SPDL1: variants seen among roughly 807,000 people sequenced by gnomAD.
The protein encoded by SPDL1 is protein Spindly.
SPDL1 carries 85 observed loss-of-function variants against 79.5 expected under a neutral mutation model. The observed-to-expected ratio is 1.07, with a 90% CI of 0.90 to 1.28. The LOEUF (loss-of-function observed/expected upper bound fraction) is 1.28, where lower values mean the gene tolerates loss of function less well. SPDL1 is among the 50% of genes most tolerant of loss of function. The pLI is 0.00. For missense variants in SPDL1, 703 were observed against 697.8 expected, an observed-to-expected ratio of 1.01 and a Z score of -0.08; for synonymous variants, 269 against 240.3, an observed-to-expected ratio of 1.12 and a Z score of -1.10.
chr5:169,593,971 G>A (rs1391445615), intron 4 of SPDL1, among the ~76,000 whole-genome samples, 174 bp from the exon 5 acceptor site: 1 of 152,140 alleles, frequency 6.6e-6, no homozygotes. Context: ...TTGTTTCCTT[G>A]TTGAAAAATT....
At chr5:169,596,524 C>T (rs1409973045) in intron 7 of SPDL1, 37 bp from the exon 8 acceptor site, 3 of 1,565,790 alleles carry the variant, frequency 1.9e-6, no homozygotes, top group East Asian at 2.3e-5. Flanking sequence ...CTTTCTCTCA[C>T]TTAATTTTAT....
intron 11 of SPDL1, among the ~76,000 whole-genome samples, chr5:169,602,586 G>A (rs1755991307): frequency 7.9e-6 from 1 of 127,016 alleles, no homozygotes; most frequent in Middle Eastern, 3.8e-3. Context: ...GAGTAAGACA[G>A]CCCTGTTTAA....
chr5:169,596,435 A>G (rs537283626), intron 7 of SPDL1, 126 bp from the exon 8 acceptor site: 130 of 729,892 alleles, frequency 1.8e-4, no homozygotes, highest in Non-Finnish European at 2.5e-4. Flanking sequence ...GATTAGAAAT[A>G]GCTAATTTAG....
chr5:169,588,617 T>C, intron 2 of SPDL1, 42 bp downstream of exon 2: 1 of 1,538,028 alleles, frequency 6.5e-7, no homozygotes, highest in Non-Finnish European at 8.8e-7. Flanking sequence ...TGTGCTTAGC[T>C]ATTGAAGATT....
At chr5:169,588,718 AG>A in intron 2 of SPDL1, 143 bp downstream of exon 2, 15 of 620,104 alleles carry the variant, frequency 2.4e-5, no homozygotes, top group East Asian at 3.2e-5. Context: ...CTGTTAAAAA[AG>A]AATGAACTAA....
At position 169,593,323 on chromosome 5, in the gene SPDL1, C is replaced by T; in HGVS notation, c.337-31C>T. 7 of 1,529,586 alleles carry T rather than the reference C, an allele frequency of 4.6e-6. No homozygotes were observed. In the South Asian group the frequency reaches 5.0e-5, roughly 11 times the overall value. 94.8% of individuals were successfully genotyped at this position (1,529,586 alleles called of 1,614,324 possible). ...TTGTTTTTAGAAAGAAAATAACTTTCAATTTATGACTTTTTTTTTTTTGGC... is the reference window on the plus strand; with the variant it reads ...TTGTTTTTAGAAAGAAAATAACTTTTAATTTATGACTTTTTTTTTTTTGGC... On this transcript the variant is annotated intron_variant, in intron 3 of 11. Transcript: ENST00000265295.
At chr5:169,589,748 C>G (rs919273653) in intron 2 of SPDL1, among the ~76,000 whole-genome samples, 3 of 151,454 alleles carry the variant, frequency 2.0e-5, no homozygotes, top group African/African-American at 7.3e-5. Flanking sequence ...GTCGCCCAGG[C>G]TGGAGTGCAG....
chr5:169,585,649 GC>G (rs1754951803), intron 1 of SPDL1, among the ~76,000 whole-genome samples: 1 of 152,194 alleles, frequency 6.6e-6, no homozygotes, highest in Non-Finnish European at 1.5e-5. Context: ...TAGTTGGCTG[GC>G]CGTATCATGT....
At chr5:169,589,218 T>G (rs1170029693) in intron 2 of SPDL1, among the ~76,000 whole-genome samples, 2 of 152,202 alleles carry the variant, frequency 1.3e-5, no homozygotes, top group Non-Finnish European at 2.9e-5. Context: ...GCATGTATCT[T>G]TGCTACTGGC....
rs762996461 is a variant in SPDL1 at position 169,594,495 on chromosome 5, A to T, written c.780+3A>T. 6.2e-7 allele frequency: 1 copy of T among 1,613,376 alleles called. No individual in the cohort carries two copies. The highest frequency in any genetic ancestry group is 8.5e-7 in the Non-Finnish European group (1 of 1,179,296). The stretch of plus-strand genomic sequence containing the variant: ...AAGGCAACTCTTTGTTTGCAGAGGT[A>T]CTTATAAGTATCCTAACTACTAAAT... On this transcript the variant is annotated splice_donor_region_variant and intron_variant, in intron 6 of 11. Coordinates refer to ENST00000265295, the MANE Select transcript of SPDL1 (RefSeq NM_017785.5).
chr5:169,602,445 A>C (rs1755983437), intron 11 of SPDL1, among the ~76,000 whole-genome samples: 1 of 152,230 alleles, frequency 6.6e-6, no homozygotes, highest in African/African-American at 2.4e-5. Context: ...ACATTCAAAA[A>C]GATGTGCCAA....
intron 8 of SPDL1, among the ~76,000 whole-genome samples, chr5:169,597,623 C>T (rs1172982869): frequency 3.3e-5 from 5 of 152,106 alleles, no homozygotes; most frequent in Non-Finnish European, 7.4e-5. Context: ...ATTAAAATTG[C>T]ATGCAATTTA....
rs1756077847 is a variant in SPDL1 at position 169,604,261 on chromosome 5, G to A, written c.*54G>A. On this transcript the variant is annotated 3_prime_UTR_variant, in exon 12 of 12. Transcript: ENST00000265295. ...CACTTGCCTCAAAAGTTACTATGGT[G>A]CTTAAGATTGTCTTGATCTGACATA... 2 of 1,445,830 alleles carry A rather than the reference G, an allele frequency of 1.4e-6. No individual in the cohort carries two copies. The highest frequency in any genetic ancestry group is 1.4e-5 in the African/African-American group (1 of 69,360). The allele number at this position is 1,445,830 out of a possible 1,614,324, so 89.6% of individuals were successfully genotyped here.
At chr5:169,593,333 C>CT (rs368915167) in intron 3 of SPDL1, 21 bp from the exon 4 acceptor site, 31,243 of 1,179,524 alleles carry the variant, frequency 0.026, 2 homozygotes, top group South Asian at 0.031. Context: ...CAATTTATGA[C>CT]TTTTTTTTTT....
chr5:169,590,073 G>T (rs1581289702), intron 2 of SPDL1, among the ~76,000 whole-genome samples: 2 of 152,156 alleles, frequency 1.3e-5, no homozygotes, highest in East Asian at 1.9e-4. Context: ...TGTATGCCTT[G>T]TTCACTATCC....
At position 169,601,637 on chromosome 5, in the gene SPDL1, C is replaced by CT; in HGVS notation, c.1670+16dup. 3.7e-6 allele frequency: 6 copies of CT among 1,612,302 alleles called. No homozygotes were observed. Among genetic ancestry groups the CT allele is most frequent in the Non-Finnish European group, 5.1e-6 (6 of 1,178,742 alleles). ...CCTAACTCTCCCAGGTCAGTGTCCT[C>CT]TTTTCCTCCAGGCAGCCAGCAGACC... On this transcript the variant is annotated intron_variant, in intron 11 of 11. Transcript: ENST00000265295.
At chr5:169,592,218 T>TC (rs1755326942) in intron 3 of SPDL1, among the ~76,000 whole-genome samples, 1 of 140,620 alleles carries the variant, frequency 7.1e-6, no homozygotes, top group Non-Finnish European at 1.5e-5. Context: ...TTTTTCCTTT[T>TC]TTTTTTTTTT....
chr5:169,586,835 A>T (rs1223278934), intron 1 of SPDL1, among the ~76,000 whole-genome samples: 1 of 152,206 alleles, frequency 6.6e-6, no homozygotes, highest in Non-Finnish European at 1.5e-5. Context: ...TAAACTAGTC[A>T]ACATAGCAGC....
chr5:169,591,118 G>C lies in SPDL1; in HGVS notation c.230G>C (p.Ser77Thr), dbSNP rs750391949. 1.9e-6 allele frequency: 3 copies of C among 1,614,034 alleles called. No individual in the cohort carries two copies. The highest frequency in any genetic ancestry group is 2.5e-6 in the Non-Finnish European group (3 of 1,179,960). The change falls in exon 3 of 12, where the codon AGC becomes ACC. Residue 77 changes from serine to threonine, a missense_variant. Physicochemically the swap from Ser to Thr is moderately conservative, Grantham distance 58. Coordinates refer to ENST00000265295, the MANE Select transcript of SPDL1 (RefSeq NM_017785.5). The part of the protein sequence containing the change: ...ELKSRMLESL[S>T]CECEAIKQQQ... The stretch of plus-strand genomic sequence containing the variant: ...AAGAGTCGAATGTTAGAAAGTTTGA[G>C]CTGCGAATGTGAAGCTATTAAACAA...
Sources: allele counts gnomAD v4.1 joint callset (sites outside exome capture counted in the v4.1 genomes callset), GRCh38; gene constraint gnomAD v4.1.1; transcripts MANE v1.5; gene names NCBI Gene and HGNC (gene_info 2026-07-23, HGNC 2026-07-21).